Variants in LSAMP observed in about 807,000 individuals in gnomAD.
The protein encoded by LSAMP is limbic system-associated membrane protein.
A neutral mutation model predicts 38.6 loss-of-function variants in LSAMP; 7 were observed. The observed-to-expected ratio is 0.18, with a 90% CI of 0.10 to 0.34. The LOEUF is 0.34. Among genes scored for constraint, LSAMP ranks in the 10% least tolerant of loss-of-function variants. The pLI is 1.00. For synonymous variants in LSAMP, 154 were observed against 166.8 expected (o/e 0.92, Z 0.59); for missense variants, 313 against 420.0 (o/e 0.75, Z 2.23).
At chr3:116,090,416 T>C (rs1708094577) in intron 1 of LSAMP, among the ~76,000 whole-genome samples, 1 of 152,152 alleles carries the variant, frequency 6.6e-6, no homozygotes, top group African/African-American at 2.4e-5. Context: ...ATAAGCATCA[T>C]GGGCTTGCAT....
chr3:116,028,224 G>C (rs992801815), intron 2 of LSAMP, among the ~76,000 whole-genome samples: 3 of 152,130 alleles, frequency 2.0e-5, no homozygotes, highest in African/African-American at 7.2e-5. Context: ...ACACATAAAT[G>C]CCATCTAGTG....
At chr3:116,063,085 C>T (rs568392016) in intron 2 of LSAMP, among the ~76,000 whole-genome samples, 33 of 152,070 alleles carry the variant, frequency 2.2e-4, no homozygotes, top group South Asian at 1.0e-3. Context: ...TATGTACATA[C>T]ATATTGTGTG....
At chr3:115,891,629 A>G (rs1936602825) in intron 3 of LSAMP, among the ~76,000 whole-genome samples, 2 of 152,026 alleles carry the variant, frequency 1.3e-5, no homozygotes, top group Non-Finnish European at 2.9e-5. Flanking sequence ...GAATAGTCTA[A>G]TGAAGCTTCA....
intron 3 of LSAMP, among the ~76,000 whole-genome samples, chr3:115,961,362 TCTC>T (rs1938620589): frequency 1.3e-5 from 2 of 152,110 alleles, no homozygotes; most frequent in African/African-American, 4.8e-5. Context: ...CACTGCCAAT[TCTC>T]CTCTTCTCCC....
At chr3:116,266,259 A>G (rs16824706) in intron 1 of LSAMP, among the ~76,000 whole-genome samples, 5,482 of 152,208 alleles carry the variant, frequency 0.036, 329 homozygotes, top group African/African-American at 0.12. Flanking sequence ...TATGCTAATG[A>G]GCTATTAGAG....
At chr3:116,302,795 G>A (rs2047430889) in intron 1 of LSAMP, among the ~76,000 whole-genome samples, 1 of 152,144 alleles carries the variant, frequency 6.6e-6, no homozygotes, top group African/African-American at 2.4e-5. Flanking sequence ...ATGGATGATG[G>A]TTGGATGGAC....
chr3:115,997,818 ATATGTATTTTATATATTAGAATATATAT>A (rs1339877694), intron 3 of LSAMP, among the ~76,000 whole-genome samples: 1 of 145,108 alleles, frequency 6.9e-6, no homozygotes, highest in African/African-American at 2.5e-5. Context: ...ATATACTAAT[ATATGTATTTTATATATTAGAATATATAT>A]TATGTATTTT....
intron 1 of LSAMP, among the ~76,000 whole-genome samples, chr3:116,210,817 G>A (rs1429734359): frequency 2.0e-5 from 3 of 152,136 alleles, no homozygotes; most frequent in African/African-American, 7.2e-5. Context: ...GTCAGAGACA[G>A]ATAATTAAAA....
At chr3:116,281,013 G>T (rs2047120179) in intron 1 of LSAMP, among the ~76,000 whole-genome samples, 1 of 152,264 alleles carries the variant, frequency 6.6e-6, no homozygotes, top group East Asian at 1.9e-4. Flanking sequence ...GAAGAGACAG[G>T]AAGGAAAGAG....
chr3:115,983,630 A>T (rs775347052), intron 3 of LSAMP, among the ~76,000 whole-genome samples: 3 of 152,226 alleles, frequency 2.0e-5, no homozygotes, highest in Non-Finnish European at 4.4e-5. Context: ...CATTGAGCCA[A>T]CAACTATTTA....
In LSAMP at chr3:116,086,495, C is replaced by T. The variant is rs1256663811; in HGVS notation, c.217G>A (p.Ala73Thr). 4 of 1,614,116 alleles carry T rather than the reference C, an allele frequency of 2.5e-6. No homozygotes were observed. Among genetic ancestry groups the T allele is most frequent in the Non-Finnish European group, 3.4e-6 (4 of 1,180,026 alleles). Residue 73 changes from alanine to threonine, a missense_variant, in exon 2 of 7, where the codon GCT becomes ACT. Transcript: ENST00000490035. ...AWLNRSGIIF[A>T]GHDKWSLDPR... ...TCCAGAGACCACTTGTCATGTCCAGCAAAAATGATGCCAGAACGGTTCAAC... is the reference window on the plus strand; with the variant it reads ...TCCAGAGACCACTTGTCATGTCCAGTAAAAATGATGCCAGAACGGTTCAAC...
rs142349119 is a variant in LSAMP, at chr3:115,878,423, AT to A, written c.515-25807del. ...CTCAGACATTATTAACCAATAAAAG[AT>A]TTACTTGATACTTTGAGAACATGCT... On this transcript the variant is annotated intron_variant, in intron 3 of 6. Transcript: ENST00000490035. 8.6e-3 allele frequency among the ~76,000 whole-genome samples: 1,199 copies of A among 138,730 alleles called. 22 individuals are homozygous for A. Among genetic ancestry groups the A allele is most frequent in the African/African-American group, 0.03 (1,116 of 37,458 alleles). 91.0% of individuals were successfully genotyped at this position (138,730 alleles called of 152,430 possible).
intron 1 of LSAMP, among the ~76,000 whole-genome samples, chr3:116,299,643 A>G (rs1279432892): frequency 6.6e-6 from 1 of 152,214 alleles, no homozygotes; most frequent in Non-Finnish European, 1.5e-5. Flanking sequence ...AGGTTTCAGA[A>G]TCACTGGACC....
At chr3:116,176,461 G>A (rs1286393239) in intron 1 of LSAMP, among the ~76,000 whole-genome samples, 1 of 152,150 alleles carries the variant, frequency 6.6e-6, no homozygotes, top group Non-Finnish European at 1.5e-5. Context: ...TGCCTCAACC[G>A]CTGCCATGAT....
intron 1 of LSAMP, among the ~76,000 whole-genome samples, chr3:116,288,721 C>T (rs1206124235): frequency 3.9e-5 from 6 of 152,148 alleles, no homozygotes; most frequent in Non-Finnish European, 7.4e-5. Context: ...CAGCACAGCA[C>T]TATTCATTTT....
chr3:115,887,280 A>ATT (rs1936479405), intron 3 of LSAMP, among the ~76,000 whole-genome samples: 2 of 151,948 alleles, frequency 1.3e-5, no homozygotes. Flanking sequence ...TCTCTTTCCC[A>ATT]TTATATATAT....
intron 3 of LSAMP, among the ~76,000 whole-genome samples, chr3:115,951,278 C>T (rs1938279922): frequency 6.6e-6 from 1 of 151,930 alleles, no homozygotes; most frequent in Non-Finnish European, 1.5e-5. Flanking sequence ...TAGATGGGAC[C>T]CAATTAAACT....
intron 3 of LSAMP, among the ~76,000 whole-genome samples, chr3:115,854,474 G>A (rs1935446094): frequency 6.6e-6 from 1 of 151,510 alleles, no homozygotes. Context: ...AGTAGAGACG[G>A]GGTTTCACCG....
intron 3 of LSAMP, among the ~76,000 whole-genome samples, chr3:115,932,796 A>G (rs1937602244): frequency 6.6e-6 from 1 of 152,236 alleles, no homozygotes; most frequent in South Asian, 2.1e-4. Flanking sequence ...TTATTCAATT[A>G]TTATTCAATT....
Sources: allele counts gnomAD v4.1 joint callset (sites outside exome capture counted in the v4.1 genomes callset), GRCh38; gene constraint gnomAD v4.1.1; transcripts MANE v1.5; gene names NCBI Gene and HGNC (gene_info 2026-07-23, HGNC 2026-07-21).